The following DENND2B variants were observed in gnomAD, a reference collection of about 807,000 sequenced individuals.
DENND2B encodes DENN domain containing 2B.
In DENND2B, 32 loss-of-function variants were observed where a neutral mutation model predicts 116.0. The ratio of observed to expected loss-of-function variants is 0.28; its 90% CI spans 0.21 to 0.37. DENND2B has a LOEUF of 0.37. DENND2B is among the 10% of genes least tolerant of loss of function. The pLI, the probability that DENND2B is intolerant of heterozygous loss-of-function variation, is 1.00. For synonymous variants in DENND2B, 588 were observed against 583.9 expected (o/e 1.01, Z -0.10); for missense variants, 1,276 against 1,477.7 (o/e 0.86, Z 2.24).
chr11:8,817,087 G>C (rs759784133), intron 4 of DENND2B, among the ~76,000 whole-genome samples: 9 of 152,134 alleles, frequency 5.9e-5, no homozygotes, highest in Non-Finnish European at 1.0e-4. Flanking sequence ...CTAAATTACA[G>C]AATGGGGAAA....
intron 3 of DENND2B, among the ~76,000 whole-genome samples, chr11:8,848,340 A>C (rs1238393147): frequency 6.6e-6 from 1 of 152,238 alleles, no homozygotes; most frequent in East Asian, 1.9e-4. Context: ...TTTACAAATA[A>C]GACCAAAGAA....
At chr11:8,761,242 A>G (rs973964952) in intron 1 of DENND2B, among the ~76,000 whole-genome samples, 1 of 152,236 alleles carries the variant, frequency 6.6e-6, no homozygotes, top group Non-Finnish European at 1.5e-5. Context: ...AAACCTAGAC[A>G]TGGCTGTTTC....
chr11:8,780,243 G>C (rs10732515), intron 1 of DENND2B, among the ~76,000 whole-genome samples: 87,276 of 152,034 alleles, frequency 0.57, 26,153 homozygotes, highest in Non-Finnish European at 0.66. Context: ...TCCTCAAGGA[G>C]CTTCCACTCT....
At chr11:8,725,770 A>G (rs2046988135) in intron 4 of DENND2B, among the ~76,000 whole-genome samples, 1 of 152,244 alleles carries the variant, frequency 6.6e-6, no homozygotes, top group Non-Finnish European at 1.5e-5. Flanking sequence ...CACACAGCTA[A>G]GGAAGAGGGC....
intron 3 of DENND2B, among the ~76,000 whole-genome samples, chr11:8,844,262 G>A (rs2062726249): frequency 1.3e-5 from 2 of 151,916 alleles, no homozygotes; most frequent in South Asian, 4.2e-4. Context: ...TTAGCCAAGT[G>A]TGGTGGTGCA....
At chr11:8,860,272 A>T (rs2063347787) in intron 2 of DENND2B, among the ~76,000 whole-genome samples, 1 of 152,166 alleles carries the variant, frequency 6.6e-6, no homozygotes. Flanking sequence ...TAATGATATG[A>T]TTGTACACTT....
At chr11:8,700,063 CTG>C (rs1491101839) in intron 14 of DENND2B, 2 of 422,306 alleles carry the variant, frequency 4.7e-6, no homozygotes, top group Non-Finnish European at 9.5e-6. Context: ...GGGAGCTGGC[CTG>C]GGGGGGGGCA....
chr11:8,843,066 G>A (rs1258689813), intron 3 of DENND2B, among the ~76,000 whole-genome samples: 3 of 152,040 alleles, frequency 2.0e-5, no homozygotes, highest in Admixed American at 2.0e-4. Flanking sequence ...ACCCAGGCTG[G>A]AGTGCAGTGG....
At chr11:8,800,082 T>C (rs767496929) in intron 1 of DENND2B, among the ~76,000 whole-genome samples, 1 of 152,040 alleles carries the variant, frequency 6.6e-6, no homozygotes, top group Non-Finnish European at 1.5e-5. Context: ...GCCTCCCAAG[T>C]AGCTGGGACT....
chr11:8,797,117 C>G (rs569127417), intron 1 of DENND2B, among the ~76,000 whole-genome samples: 1 of 152,244 alleles, frequency 6.6e-6, no homozygotes, highest in African/African-American at 2.4e-5. Context: ...AATCAAACAG[C>G]CTTAGATTTA....
chr11:8,860,399 AACC>A (rs1165457953), intron 2 of DENND2B, among the ~76,000 whole-genome samples: 1 of 152,154 alleles, frequency 6.6e-6, no homozygotes, highest in Non-Finnish European at 1.5e-5. Flanking sequence ...ATATACCAAC[AACC>A]ACCAAGATGA....
chr11:8,710,831 A>G lies in DENND2B; in HGVS notation c.2352+14T>C. The stretch of plus-strand genomic sequence containing the variant: ...CCCTGCCTGCTGGCCTGAGGACCGA[A>G]TGGCCTCACTCACCAGTAAGCGCCT... On this transcript the variant is annotated intron_variant, in intron 11 of 19. Coordinates refer to ENST00000313726, the MANE Select transcript of DENND2B (RefSeq NM_213618.2). 6.2e-7 allele frequency: 1 copy of G among 1,612,974 alleles called. No individual in the cohort carries two copies. Among genetic ancestry groups the G allele is most frequent in the Non-Finnish European group, 8.5e-7 (1 of 1,179,616 alleles).
chr11:8,718,889 G>A, intron 4 of DENND2B: 1 of 993,610 alleles, frequency 1.0e-6, no homozygotes, highest in Non-Finnish European at 1.2e-6. Context: ...GTAACACCAT[G>A]GGCCGGGTCA....
intron 2 of DENND2B, among the ~76,000 whole-genome samples, chr11:8,866,262 A>G (rs943993453): frequency 6.6e-6 from 1 of 152,230 alleles, no homozygotes; most frequent in Non-Finnish European, 1.5e-5. Context: ...CCCGACCTGC[A>G]GTCCTATTTT....
chr11:8,731,728 A>C (rs1055907953), intron 2 of DENND2B, among the ~76,000 whole-genome samples: 20 of 152,160 alleles, frequency 1.3e-4, no homozygotes, highest in East Asian at 5.8e-4. Context: ...AAAACCAAAC[A>C]AGTCTGAACA....
At chr11:8,841,833 T>C (rs2062633891) in intron 3 of DENND2B, among the ~76,000 whole-genome samples, 1 of 152,154 alleles carries the variant, frequency 6.6e-6, no homozygotes, top group Non-Finnish European at 1.5e-5. Flanking sequence ...ACTCCTGATG[T>C]CTCTCTCCTC....
intron 1 of DENND2B, among the ~76,000 whole-genome samples, chr11:8,910,661 T>C (rs1326665902): frequency 1.5e-5 from 1 of 68,014 alleles, no homozygotes; most frequent in African/African-American, 4.6e-5. Context: ...GGACACGGGT[T>C]GTCGCTATGT....
chr11:8,737,716 TTTTC>T (rs757648583), intron 2 of DENND2B, among the ~76,000 whole-genome samples: 7 of 152,062 alleles, frequency 4.6e-5, no homozygotes, highest in African/African-American at 9.6e-5. Context: ...CCCTCCTTTC[TTTTC>T]TTTCTTTCAT....
At chr11:8,750,797 G>T in intron 1 of DENND2B, 72 bp from the exon 2 acceptor site, 2 of 1,428,522 alleles carry the variant, frequency 1.4e-6, no homozygotes, top group South Asian at 2.3e-5. Context: ...TCTTCCAGAT[G>T]ACCTCCAAAA....
Sources: gnomAD v4.1 joint callset for allele counts (sites outside exome capture counted in the v4.1 genomes callset) on GRCh38, gnomAD v4.1.1 for gene constraint, MANE v1.5 for transcripts, NCBI Gene and HGNC (gene_info 2026-07-23, HGNC 2026-07-21) for gene names.